The following FAM13C variants were observed in gnomAD, a reference collection of about 807,000 sequenced individuals.
FAM13C encodes the protein family with sequence similarity 13 member C.
Under a neutral mutation model 73.2 loss-of-function variants are expected in FAM13C, and 37 were observed. The observed-to-expected ratio is 0.51, with a 90% CI of 0.39 to 0.67. The LOEUF is 0.67. FAM13C is among the 30% of genes least tolerant of loss of function. The pLI, the probability that FAM13C is intolerant of heterozygous loss-of-function variation, is 0.00. For missense variants in FAM13C, 589 were observed against 715.6 expected, an observed-to-expected ratio of 0.82 and a Z score of 2.02; for synonymous variants, 246 against 260.9, an observed-to-expected ratio of 0.94 and a Z score of 0.55.
rs143428084 is a variant in FAM13C, at chr10:59,296,676, C to A, written c.507+6125G>T. Among the ~76,000 whole-genome samples the A allele has an allele frequency of 2.4e-3, 368 of 152,250 alleles. 2 individuals are homozygous for A. The highest frequency in any genetic ancestry group is 8.5e-3 in the African/African-American group (355 of 41,532). On this transcript the variant is annotated intron_variant, in intron 5 of 13. Transcript: ENST00000618804. ...TTTGTTTCTTATAAGATAGCCTCTT[C>A]CTCTAGATTCTAATGGTATTCCTAA...
At chr10:59,347,206 G>A (rs1265013897) in intron 3 of FAM13C, among the ~76,000 whole-genome samples, 1 of 152,054 alleles carries the variant, frequency 6.6e-6, no homozygotes, top group Non-Finnish European at 1.5e-5. Flanking sequence ...CTGGTATTCT[G>A]TTCTATCAGT....
intron 4 of FAM13C, among the ~76,000 whole-genome samples, chr10:59,311,189 A>G (rs1396444251): frequency 1.3e-5 from 2 of 152,212 alleles, no homozygotes; most frequent in Non-Finnish European, 2.9e-5. Flanking sequence ...AGAAGCAGCC[A>G]AGACCACAGC....
chr10:59,337,451 T>G (rs1852864470), intron 3 of FAM13C, among the ~76,000 whole-genome samples: 1 of 152,186 alleles, frequency 6.6e-6, no homozygotes, highest in Admixed American at 6.5e-5. Flanking sequence ...TTGTCTGGCT[T>G]TACAACTGTG....
rs563483102 is a variant in FAM13C at position 59,322,402 on chromosome 10, G to A, written c.443+1586C>T. Reference sequence around the variant, plus strand: ...GTCTGGAATGTTGCTAGGTCAGAAAGCTCAATTCTGTGAAAGTGGGACATG... The same window carrying A: ...GTCTGGAATGTTGCTAGGTCAGAAAACTCAATTCTGTGAAAGTGGGACATG... On this transcript the variant is annotated intron_variant, in intron 4 of 13. Coordinates refer to ENST00000618804, the MANE Select transcript of FAM13C (RefSeq NM_198215.4). 3.3e-5 allele frequency among the ~76,000 whole-genome samples: 5 copies of A among 152,332 alleles called. No individual in the cohort carries two copies. In the East Asian group the frequency reaches 9.6e-4, roughly 29 times the overall value.
In FAM13C at chr10:59,300,865, T is replaced by C. The variant is rs548886958; in HGVS notation, c.507+1936A>G. 4 of 152,382 alleles carry C rather than the reference T, an allele frequency of 2.6e-5. No homozygotes were observed. In the East Asian group the frequency reaches 7.7e-4, roughly 29 times the overall value. The allele number at this position is 152,382 out of a possible 1,614,324, so 9.4% of individuals were successfully genotyped here. A position where few individuals can be genotyped will look rare whatever the true frequency, so the allele number is the denominator to read the frequency against. The stretch of plus-strand genomic sequence containing the variant: ...ATGCTGGTAATATTTTGTTTCTTGA[T>C]TTATGTGCTGGTTGCACACTTTGTA... On this transcript the variant is annotated intron_variant, in intron 5 of 13. Coordinates refer to ENST00000618804, the MANE Select transcript of FAM13C (RefSeq NM_198215.4).
intron 9 of FAM13C, among the ~76,000 whole-genome samples, chr10:59,262,971 G>A (rs1842666115): frequency 1.3e-5 from 2 of 152,064 alleles, no homozygotes; most frequent in Admixed American, 6.6e-5. Context: ...TGTAGCACCC[G>A]AAATTCCACA....
At chr10:59,275,404 G>A (rs780605030) in intron 6 of FAM13C, among the ~76,000 whole-genome samples, 3 of 152,148 alleles carry the variant, frequency 2.0e-5, no homozygotes, top group African/African-American at 4.8e-5. Context: ...GGCCTGGGAG[G>A]CATCAAGAGC....
At chr10:59,304,263 G>A (rs1479856080) in intron 4 of FAM13C, among the ~76,000 whole-genome samples, 3 of 152,128 alleles carry the variant, frequency 2.0e-5, no homozygotes, top group East Asian at 1.9e-4. Context: ...TCAGACCTTT[G>A]AGGGATGGGT....
rs1348466269 is a variant in FAM13C at position 59,264,089 on chromosome 10, G to A, written c.1020C>T (p.Leu340=). The change falls in exon 9 of 14, where the codon CTC becomes CTT. Residue 340 remains leucine (L), a synonymous_variant. Transcript: ENST00000618804. ...AGATCTTTGGCTGGGATTTACCTTT[G>A]AGCTGTTTACGACCTTTAGCCAAAT... is the stretch of plus-strand genomic sequence containing the variant. ...MNDLAKGRKQ[L]KELKLKLSEE... 1.2e-6 allele frequency: 2 copies of A among 1,612,578 alleles called. No homozygotes were observed. Among genetic ancestry groups the A allele is most frequent in the South Asian group, 2.2e-5 (2 of 91,034 alleles).
intron 5 of FAM13C, 136 bp from the exon 6 acceptor site, chr10:59,283,583 C>A: frequency 1.2e-6 from 1 of 830,422 alleles, no homozygotes. Flanking sequence ...GCAGCTCCCG[C>A]AAGCACCTTC....
At chr10:59,272,888 G>GT (rs1843877160) in intron 6 of FAM13C, among the ~76,000 whole-genome samples, 1 of 152,200 alleles carries the variant, frequency 6.6e-6, no homozygotes, top group Non-Finnish European at 1.5e-5. Context: ...TATATACTAC[G>GT]TTTTTTCCTA....
chr10:59,354,050 A>T (rs987309310), intron 2 of FAM13C, among the ~76,000 whole-genome samples: 5 of 151,984 alleles, frequency 3.3e-5, no homozygotes, highest in African/African-American at 1.2e-4. Flanking sequence ...ATGAGAAACA[A>T]AAGAAAGAAC....
chr10:59,310,400 A>G (rs1238307385), intron 4 of FAM13C, among the ~76,000 whole-genome samples: 1 of 152,244 alleles, frequency 6.6e-6, no homozygotes, highest in Non-Finnish European at 1.5e-5. Flanking sequence ...CAAGATGCCA[A>G]TAAATTCCAG....
At chr10:59,282,213 G>A in intron 6 of FAM13C, 1 of 152,174 alleles carries the variant, frequency 6.6e-6, no homozygotes, top group African/African-American at 2.4e-5. Context: ...TCACAGGTCA[G>A]TTTAAGTATT....
chr10:59,315,821 T>A (rs1364188756), intron 4 of FAM13C, among the ~76,000 whole-genome samples: 1 of 152,184 alleles, frequency 6.6e-6, no homozygotes, highest in Admixed American at 6.6e-5. Context: ...CATCCTATGA[T>A]TCCAACACAT....
chr10:59,358,519 A>G (rs1297440598), intron 1 of FAM13C, among the ~76,000 whole-genome samples: 1 of 152,216 alleles, frequency 6.6e-6, no homozygotes, highest in Non-Finnish European at 1.5e-5. Flanking sequence ...CTAATAGATC[A>G]CCTGAGCTTT....
chr10:59,278,631 A>G (rs1209639746), intron 6 of FAM13C, among the ~76,000 whole-genome samples: 1 of 152,104 alleles, frequency 6.6e-6, no homozygotes, highest in Non-Finnish European at 1.5e-5. Context: ...TTGTGTCTCT[A>G]GATACTGCCA....
At chr10:59,249,066 A>G (rs2133344174) in intron 13 of FAM13C, among the ~76,000 whole-genome samples, 1 of 152,326 alleles carries the variant, frequency 6.6e-6, no homozygotes, top group South Asian at 2.1e-4. Context: ...TTAATAATCA[A>G]TTATGTAATT....
chr10:59,290,193 T>A (rs1306538432), intron 5 of FAM13C, among the ~76,000 whole-genome samples: 1 of 152,226 alleles, frequency 6.6e-6, no homozygotes, highest in African/African-American at 2.4e-5. Flanking sequence ...CCCACTTTAG[T>A]TGGGTTGAAA....
Sources: allele counts gnomAD v4.1 joint callset (sites outside exome capture counted in the v4.1 genomes callset), GRCh38; gene constraint gnomAD v4.1.1; transcripts MANE v1.5; gene names NCBI Gene and HGNC (gene_info 2026-07-23, HGNC 2026-07-21).